Variants in ESRP2 observed in about 807,000 individuals in gnomAD.
ESRP2 encodes RNA binding motif protein 35A.
A neutral mutation model predicts 78.6 loss-of-function variants in ESRP2; 48 were observed. That is an observed-to-expected ratio of 0.61 (90% CI 0.48 to 0.78). The LOEUF is 0.78. Among genes scored for constraint, ESRP2 ranks in the 30% least tolerant of loss-of-function variants. ESRP2 has a pLI of 0.00. For synonymous variants in ESRP2, 383 were observed against 406.7 expected, an observed-to-expected ratio of 0.94 and a Z score of 0.70; for missense variants, 863 against 965.9, an observed-to-expected ratio of 0.89 and a Z score of 1.41.
rs746639766 is a variant in ESRP2 at position 68,232,340 on chromosome 16, G to C, written c.954+31C>G. On this transcript the variant is annotated intron_variant, in intron 8 of 14. Transcript: ENST00000473183. The surrounding 1 kb of genome is among the most constrained non-coding windows in gnomAD (Gnocchi z 5.2). ...TGGGTCTCAGGCCTGACTCAGATTGGCCCTGCTCCGCTCCCAGCCCAAAGC... is the reference window on the plus strand; with the variant it reads ...TGGGTCTCAGGCCTGACTCAGATTGCCCCTGCTCCGCTCCCAGCCCAAAGC... The C allele has an allele frequency of 6.2e-7, 1 of 1,614,164 alleles. No homozygotes were observed. Among genetic ancestry groups the C allele is most frequent in the Admixed American group, 1.7e-5 (1 of 60,012 alleles).
intron 5 of ESRP2, 186 bp downstream of exon 5, chr16:68,233,141 G>A (rs2042169351): frequency 1.6e-6 from 1 of 607,400 alleles, no homozygotes; most frequent in African/African-American, 1.9e-5. Context: ...GGAGGTTGCA[G>A]TGAGCTGAGA....
chr16:68,231,295 C>T lies in ESRP2; in HGVS notation c.1594G>A (p.Val532Met), dbSNP rs2042135826. Residue 532 changes from valine to methionine, a missense_variant, in exon 12 of 15, where the codon GTG (valine) becomes ATG (methionine). By Grantham distance (21) the Val-to-Met change is conservative. Transcript: ENST00000473183. This position sits in a 1 kb window ranked among gnomAD's most constrained non-coding sequence, Gnocchi z 6.0. Reference sequence around the variant, plus strand: ...ACCTCCACGTAGCGCTCCTTCATCACCTTCTTATGGCAACGCTGAGCAGCA... The same window carrying T: ...ACCTCCACGTAGCGCTCCTTCATCATCTTCTTATGGCAACGCTGAGCAGCA... ...LAAAQRCHKK[V>M]MKERYVEVVP... The T allele has an allele frequency of 6.2e-7, 1 of 1,614,140 alleles. No homozygotes were observed. Among genetic ancestry groups the T allele is most frequent in the Non-Finnish European group, 8.5e-7 (1 of 1,180,008 alleles).
Position 68,229,657 on chromosome 16 carries a change from G to A in ESRP2, c.*569C>T, listed in dbSNP as rs2042099370. 1.3e-5 allele frequency: 2 copies of A among 154,890 alleles called. No homozygotes were observed. The highest frequency in any genetic ancestry group is 2.4e-5 in the African/African-American group (1 of 41,470). 9.6% of individuals were successfully genotyped at this position (154,890 alleles called of 1,614,324 possible). A position where few individuals can be genotyped will look rare whatever the true frequency, so the allele number is the denominator to read the frequency against. ...GTTACTCCTTATGCCCACCTGGAGAGGGGCTAGCATCTTTAGGTGGGACCA... is the reference window on the plus strand; with the variant it reads ...GTTACTCCTTATGCCCACCTGGAGAAGGGCTAGCATCTTTAGGTGGGACCA... On this transcript the variant is annotated 3_prime_UTR_variant, in exon 15 of 15. Transcript: ENST00000473183.
rs751362891 is a variant in ESRP2, at chr16:68,232,015, C to T, written c.1086G>A (p.Thr362=). Residue 362 remains threonine (T), a synonymous_variant, in exon 10 of 15, where the codon ACG becomes ACA. Transcript: ENST00000473183. This position sits in a 1 kb window ranked among gnomAD's most constrained non-coding sequence, Gnocchi z 5.2. ...CTGGCCCCAGGAAGCCAAGCACGTC[C>T]GTTGGCCCAGCCGAGAAGGGCAGTC... ...LRGLPFSAGP[T]DVLGFLGPEC... is the part of the protein sequence containing the mutation. 31 of 1,613,926 alleles carry T rather than the reference C, an allele frequency of 1.9e-5. No individual in the cohort carries two copies. Among genetic ancestry groups the T allele is most frequent in the Admixed American group, 6.7e-5 (4 of 59,988 alleles).
At position 68,235,950 on chromosome 16, in the gene ESRP2, G is replaced by A; in HGVS notation, c.96C>T (p.Val32=). 6.2e-7 allele frequency: 1 copy of A among 1,611,090 alleles called. No homozygotes were observed. The highest frequency in any genetic ancestry group is 8.5e-7 in the Non-Finnish European group (1 of 1,179,330). The change falls in exon 1 of 15, where the codon GTC becomes GTT. Residue 32 remains valine, a synonymous_variant. Coordinates refer to ENST00000473183, the MANE Select transcript of ESRP2 (RefSeq NM_024939.3). This position sits in a 1 kb window ranked among gnomAD's most constrained non-coding sequence, Gnocchi z 5.5. ...GCGCACCCGCCGTAGCCCCGAAGAGGACGACCAGTGATCCGGGCCAGGGGC... is the reference window on the plus strand; with the variant it reads ...GCGCACCCGCCGTAGCCCCGAAGAGAACGACCAGTGATCCGGGCCAGGGGC... ...DPCPWPGSLV[V]LFGATAGALG...
rs981650105 is a variant in ESRP2 at position 68,232,889 on chromosome 16, G to A, written c.656-74C>T. On this transcript the variant is annotated intron_variant, in intron 5 of 14. Coordinates refer to ENST00000473183, the MANE Select transcript of ESRP2 (RefSeq NM_024939.3). The surrounding 1 kb of genome is among the most constrained non-coding windows in gnomAD (Gnocchi z 5.2). ...TCCCCACCAAGTTCTGCAAAAAGTG[G>A]ACAATTGAGAGAGATGAAGAAATGA... 3.8e-6 allele frequency: 6 copies of A among 1,597,694 alleles called. No individual in the cohort carries two copies. The highest frequency in any genetic ancestry group is 2.6e-6 in the Non-Finnish European group (3 of 1,167,270).
At chr16:68,230,775 G>A (rs1357262582) in intron 13 of ESRP2, 66 bp downstream of exon 13, 2 of 1,593,628 alleles carry the variant, frequency 1.3e-6, no homozygotes, top group Admixed American at 1.7e-5. Flanking sequence ...CCAGAAAGGG[G>A]ATCGTGACCT....
In ESRP2 at chr16:68,235,365, T is replaced by A. The variant is rs573151813; in HGVS notation, c.327+269A>T. Reference sequence around the variant, plus strand: ...TCGGCCTCGCTCCCCGGGCGGGAACTGGGGATGGATCCCAAAGCCTGCGTC... The same window carrying A: ...TCGGCCTCGCTCCCCGGGCGGGAACAGGGGATGGATCCCAAAGCCTGCGTC... On this transcript the variant is annotated intron_variant, in intron 2 of 14. Transcript: ENST00000473183. The surrounding 1 kb of genome is among the most constrained non-coding windows in gnomAD (Gnocchi z 5.5). The A allele has an allele frequency of 2.0e-6, 2 of 985,414 alleles. No individual in the cohort carries two copies. The highest frequency in any genetic ancestry group is 9.4e-5 in the South Asian group (2 of 21,290). The allele number at this position is 985,414 out of a possible 1,614,324, so 61.0% of individuals were successfully genotyped here.
Position 68,230,996 on chromosome 16 carries a change from T to A in ESRP2, c.1743A>T (p.Gln581His), listed in dbSNP as rs1275324694. 1 of 1,599,382 alleles carries A rather than the reference T, an allele frequency of 6.3e-7. No individual in the cohort carries two copies. Among genetic ancestry groups the A allele is most frequent in the South Asian group, 1.1e-5 (1 of 88,434 alleles). ...CLSPPTYTTF[Q>H]ATPTLIPTET... Reference sequence around the variant, plus strand: ...CCGTGGGAATGAGCGTTGGGGTGGCTTGGAAGGTGGTGTAGGTAGGTGGTG... The same window carrying A: ...CCGTGGGAATGAGCGTTGGGGTGGCATGGAAGGTGGTGTAGGTAGGTGGTG... The change falls in exon 13 of 15, where the codon CAA (glutamine) becomes CAT (histidine). Residue 581 changes from glutamine to histidine, a missense_variant. Coordinates refer to ENST00000473183, the MANE Select transcript of ESRP2 (RefSeq NM_024939.3).
Position 68,235,800 on chromosome 16 carries a change from C to T in ESRP2, c.199-38G>A, listed in dbSNP as rs546915759. The T allele has an allele frequency of 8.7e-6, 14 of 1,609,946 alleles. No homozygotes were observed. Among genetic ancestry groups the T allele is most frequent in the Non-Finnish European group, 1.1e-5 (13 of 1,178,540 alleles). On this transcript the variant is annotated intron_variant, in intron 1 of 14. Transcript: ENST00000473183. The surrounding 1 kb of genome is among the most constrained non-coding windows in gnomAD (Gnocchi z 5.5). ...GGGGAAACCGATCAGCCGCGCCCCT[C>T]GACCCCGGAAGCTCCCTGGGGACCT... is the stretch of plus-strand genomic sequence containing the variant.
In ESRP2 at chr16:68,230,892, T is replaced by G; in HGVS notation, c.1847A>C (p.Tyr616Ser). 1 of 1,613,774 alleles carries G rather than the reference T, an allele frequency of 6.2e-7. No individual in the cohort carries two copies. The highest frequency in any genetic ancestry group is 8.5e-7 in the Non-Finnish European group (1 of 1,179,882). Residue 616 changes from tyrosine to serine, a missense_variant, in exon 13 of 15, where the codon TAT becomes TCT. Tyr to Ser is a moderately radical substitution (Grantham distance 144). Coordinates refer to ENST00000473183, the MANE Select transcript of ESRP2 (RefSeq NM_024939.3). The part of the protein sequence containing the change: ...VPAAPTPVAY[Y>S]PGPATQLYLN... The stretch of plus-strand genomic sequence containing the variant: ...GTAGAGTTGAGTGGCTGGCCCTGGA[T>G]AGTAGGCAACAGGGGTGGGGGCAGC...
chr16:68,235,721 G>T lies in ESRP2; in HGVS notation c.240C>A (p.Ala80=), dbSNP rs772313973. The T allele has an allele frequency of 1.2e-6, 2 of 1,605,642 alleles. No homozygotes were observed. Among genetic ancestry groups the T allele is most frequent in the South Asian group, 1.1e-5 (1 of 90,862 alleles). ...CCTCGCGGCACTGCGTACTCAGTGC[G>T]GCCGCCTCGGCACGAACCAGCGATT... ...LHKSLVRAEA[A]ALSTQCREAS... is the part of the protein sequence containing the mutation. The change falls in exon 2 of 15, where the codon GCC becomes GCA. Residue 80 remains alanine (A), a synonymous_variant. Coordinates refer to ENST00000473183, the MANE Select transcript of ESRP2 (RefSeq NM_024939.3). The surrounding 1 kb of genome is among the most constrained non-coding windows in gnomAD (Gnocchi z 5.5).
Position 68,232,581 on chromosome 16 carries a change from C to T in ESRP2, c.817G>A (p.Ala273Thr). The change falls in exon 7 of 15, where the codon GCC (alanine) becomes ACC (threonine). Residue 273 changes from alanine to threonine, a missense_variant. Transcript: ENST00000473183. The surrounding 1 kb of genome is among the most constrained non-coding windows in gnomAD (Gnocchi z 5.2). ...VARFFKGLNV[A>T]RGGVALCLNA... Reference sequence around the variant, plus strand: ...CACCCACCCTGCCACACCCACCTGGCCACGTTGAGCCCTTTGAAGAAGCGA... The same window carrying T: ...CACCCACCCTGCCACACCCACCTGGTCACGTTGAGCCCTTTGAAGAAGCGA... 6.2e-7 allele frequency: 1 copy of T among 1,614,178 alleles called. No homozygotes were observed. The highest frequency in any genetic ancestry group is 1.1e-5 in the South Asian group (1 of 91,088).
At position 68,232,619 on chromosome 16, in the gene ESRP2, T is replaced by G. The variant is rs1407069822; in HGVS notation, c.779A>C (p.Asp260Ala). 1 of 1,614,002 alleles carries G rather than the reference T, an allele frequency of 6.2e-7. No homozygotes were observed. The highest frequency in any genetic ancestry group is 2.2e-5 in the East Asian group (1 of 44,880). Residue 260 changes from aspartate to alanine, a missense_variant, in exon 7 of 15, where the codon GAC becomes GCC. Physicochemically the swap from Asp to Ala is moderately radical, Grantham distance 126. Coordinates refer to ENST00000473183, the MANE Select transcript of ESRP2 (RefSeq NM_024939.3). The surrounding 1 kb of genome is among the most constrained non-coding windows in gnomAD (Gnocchi z 5.2). ...TTTGAAGAAGCGAGCCACGTCCTGG[T>G]CTGATGACTGCCACGGCAACCCACG... ...RARGLPWQSS[D>A]QDVARFFKGL...
In ESRP2 at chr16:68,235,600, T is replaced by C. The variant is rs1042702394; in HGVS notation, c.327+34A>G. ...AATCCCGCCCAGAAATGTCCTCACG[T>C]CCAGGCCATGCCGCCACCCACCCCG... On this transcript the variant is annotated intron_variant, in intron 2 of 14. Transcript: ENST00000473183. The surrounding 1 kb of genome is among the most constrained non-coding windows in gnomAD (Gnocchi z 5.5). The C allele has an allele frequency of 1.3e-6, 2 of 1,595,424 alleles. No homozygotes were observed. Among genetic ancestry groups the C allele is most frequent in the East Asian group, 2.2e-5 (1 of 44,794 alleles).
Position 68,235,501 on chromosome 16 carries a change from A to C in ESRP2, c.327+133T>G, listed in dbSNP as rs1303649332. 6 of 1,456,918 alleles carry C rather than the reference A, an allele frequency of 4.1e-6. No individual in the cohort carries two copies. The highest frequency in any genetic ancestry group is 5.1e-5 in the Admixed American group (2 of 38,888). 90.2% of individuals were successfully genotyped at this position (1,456,918 alleles called of 1,614,324 possible). ...GCACGCACACGCGAGAGTCGCTCAA[A>C]GTTTCAAACAAGAGCCCAGTCCTGC... On this transcript the variant is annotated intron_variant, in intron 2 of 14. Coordinates refer to ENST00000473183, the MANE Select transcript of ESRP2 (RefSeq NM_024939.3). The surrounding 1 kb of genome is among the most constrained non-coding windows in gnomAD (Gnocchi z 5.5).
intron 5 of ESRP2, 148 bp downstream of exon 5, chr16:68,233,179 A>G: frequency 1.6e-6 from 1 of 633,356 alleles, no homozygotes; most frequent in African/African-American, 1.8e-5. Flanking sequence ...AGCCTAGGCT[A>G]CAGAGGGAGA....
rs150603076 is a variant in ESRP2 at position 68,235,917 on chromosome 16, C to T, written c.129G>A (p.Arg43=). The T allele has an allele frequency of 5.8e-3, 9,300 of 1,607,668 alleles. 55 individuals are homozygous for T. The highest frequency in any genetic ancestry group is 6.1e-3 in the Non-Finnish European group (7,201 of 1,177,918). The change falls in exon 1 of 15, where the codon CGG becomes CGA. Residue 43 remains arginine (R), a synonymous_variant. Transcript: ENST00000473183. This position sits in a 1 kb window ranked among gnomAD's most constrained non-coding sequence, Gnocchi z 5.5. ...AGTCGGTCTCGTCCGAGCCCAGGTC[C>T]CGTCCCAGCGCACCCGCCGTAGCCC... ...LFGATAGALG[R]DLGSDETDLI...
Position 68,235,464 on chromosome 16 carries a change from C to T in ESRP2, c.327+170G>A. On this transcript the variant is annotated intron_variant, in intron 2 of 14. Transcript: ENST00000473183. This position sits in a 1 kb window ranked among gnomAD's most constrained non-coding sequence, Gnocchi z 5.5. Reference sequence around the variant, plus strand: ...AGCCCAGGGGAATGGCTGGCACGCGCGGATGAAAGGGGCACGCACACGCGA... The same window carrying T: ...AGCCCAGGGGAATGGCTGGCACGCGTGGATGAAAGGGGCACGCACACGCGA... 1 of 985,430 alleles carries T rather than the reference C, an allele frequency of 1.0e-6. No homozygotes were observed. The highest frequency in any genetic ancestry group is 1.2e-6 in the Non-Finnish European group (1 of 829,932). The allele number at this position is 985,430 out of a possible 1,614,324, so 61.0% of individuals were successfully genotyped here.
Sources: gnomAD v4.1 joint callset for allele counts on GRCh38, gnomAD v4.1.1 for gene constraint, Gnocchi (gnomAD v3.1) non-coding constraint, MANE v1.5 for transcripts, NCBI Gene and HGNC (gene_info 2026-07-23, HGNC 2026-07-21) for gene names.